MGAM2: variants seen among roughly 807,000 people sequenced by gnomAD.
The protein encoded by MGAM2 is maltase-glucoamylase 2 (putative).
In MGAM2, 98 loss-of-function variants were observed where a neutral mutation model predicts 96.1. The observed-to-expected ratio is 1.02, with a 90% CI of 0.87 to 1.21. MGAM2 has a LOEUF of 1.21. MGAM2 is among the 50% of genes most tolerant of loss of function. The pLI, the probability that MGAM2 is intolerant of heterozygous loss-of-function variation, is 0.00. For synonymous variants in MGAM2, 749 were observed against 414.8 expected, an observed-to-expected ratio of 1.81 and a Z score of -9.79; for missense variants, 2,055 against 1,182.4, an observed-to-expected ratio of 1.74 and a Z score of -10.82.
At chr7:142,123,434 T>C (rs1794644011) in intron 3 of MGAM2, among the ~76,000 whole-genome samples, 1 of 152,202 alleles carries the variant, frequency 6.6e-6, no homozygotes, top group Admixed American at 6.5e-5. Flanking sequence ...TTTAGTAGTA[T>C]ACAGGAGTTC....
chr7:142,130,951 A>G lies in MGAM2; in HGVS notation c.190A>G (p.Ile64Val). 1 of 702,740 alleles carries G rather than the reference A, an allele frequency of 1.4e-6. No homozygotes were observed. The highest frequency in any genetic ancestry group is 1.5e-5 in the South Asian group (1 of 67,590). 43.5% of individuals were successfully genotyped at this position (702,740 alleles called of 1,614,324 possible). Residue 64 changes from isoleucine to valine, a missense_variant, in exon 4 of 48, where the codon ATC (isoleucine) becomes GTC (valine). Coordinates refer to ENST00000477922, the MANE Select transcript of MGAM2 (RefSeq NM_001293626.2). ...TAACTCTGTGTCATTGTTACAGGATATCTGCAGATGGCAATATAAGTGCTG... is the reference window on the plus strand; with the variant it reads ...TAACTCTGTGTCATTGTTACAGGATGTCTGCAGATGGCAATATAAGTGCTG... ...CTPDQEVTED[I>V]CRWQYKCCWS... is the part of the protein sequence containing the mutation.
intron 33 of MGAM2, 139 bp downstream of exon 33, chr7:142,183,512 T>G: frequency 1.7e-6 from 1 of 587,200 alleles, no homozygotes; most frequent in Non-Finnish European, 3.0e-6. Context: ...GCTGATTAGC[T>G]CAATAAGCAT....
At chr7:142,210,680 C>T (rs1448733949) in intron 46 of MGAM2, among the ~76,000 whole-genome samples, 1 of 152,230 alleles carries the variant, frequency 6.6e-6, no homozygotes, top group East Asian at 1.9e-4. Context: ...AAAAAGGCAG[C>T]AGCCCCAGTT....
intron 45 of MGAM2, among the ~76,000 whole-genome samples, chr7:142,202,020 G>T (rs1797252100): frequency 1.3e-5 from 2 of 152,134 alleles, no homozygotes; most frequent in South Asian, 4.1e-4. Context: ...ACATGCAACA[G>T]CATGGATGAA....
At chr7:142,214,696 A>T (rs1470593805) in intron 46 of MGAM2, among the ~76,000 whole-genome samples, 1 of 152,204 alleles carries the variant, frequency 6.6e-6, no homozygotes, top group East Asian at 1.9e-4. Flanking sequence ...GGATAGGAAG[A>T]ATCAGTATCG....
At chr7:142,139,277 T>A (rs1795147294) in intron 10 of MGAM2, among the ~76,000 whole-genome samples, 1 of 152,192 alleles carries the variant, frequency 6.6e-6, no homozygotes, top group Non-Finnish European at 1.5e-5. Context: ...TTGATGATCT[T>A]CTCCAGGAGA....
chr7:142,184,802 C>T (rs1043340484), intron 33 of MGAM2, among the ~76,000 whole-genome samples: 1 of 152,180 alleles, frequency 6.6e-6, no homozygotes, highest in African/African-American at 2.4e-5. Context: ...TCTGAGAAAT[C>T]ACTCGAAAGT....
In MGAM2 at chr7:142,134,031, T is replaced by G. The variant is rs778509669; in HGVS notation, c.626T>G (p.Leu209Arg). 25 of 745,396 alleles carry G rather than the reference T, an allele frequency of 3.4e-5. No homozygotes were observed. The highest frequency in any genetic ancestry group is 5.6e-5 in the Non-Finnish European group (23 of 407,384). The allele number at this position is 745,396 out of a possible 1,614,324, so 46.2% of individuals were successfully genotyped here. Reference protein sequence around the residue: ...PLQFAQQYLQLSFRLPSANVY... With the variant: ...PLQFAQQYLQRSFRLPSANVY... ...CAGTTTGCCCAGCAGTACCTGCAAC[T>G]GTCTTTCCGACTGCCCAGTGCCAAT... Residue 209 changes from leucine to arginine, a missense_variant, in exon 7 of 48, where the codon CTG becomes CGG. Physicochemically the swap from Leu to Arg is moderately radical, Grantham distance 102 (BLOSUM62 -2). Coordinates refer to ENST00000477922, the MANE Select transcript of MGAM2 (RefSeq NM_001293626.2).
chr7:142,159,998 A>ATATGG lies in MGAM2; in HGVS notation c.2221-136_2221-135insTATGG, dbSNP rs1352711495. On this transcript the variant is annotated intron_variant, in intron 20 of 47. Coordinates refer to ENST00000477922, the MANE Select transcript of MGAM2 (RefSeq NM_001293626.2). Reference sequence around the variant, plus strand: ...TGCCCTCTACTACCCATATGCTTTCAGCAAGTCACTTCACTTTGGGGTTCT... The same window carrying ATATGG: ...TGCCCTCTACTACCCATATGCTTTCATATGGGCAAGTCACTTCACTTTGGGGTTCT... 13 of 582,256 alleles carry ATATGG rather than the reference A, an allele frequency of 2.2e-5. No individual in the cohort carries two copies. The East Asian group carries it at 3.7e-4, about 16-fold the overall frequency. The allele number at this position is 582,256 out of a possible 1,614,324, so 36.1% of individuals were successfully genotyped here. A position where few individuals can be genotyped will look rare whatever the true frequency, so the allele number is the denominator to read the frequency against.
chr7:142,127,153 T>G (rs1402257792), intron 3 of MGAM2, among the ~76,000 whole-genome samples: 1 of 152,170 alleles, frequency 6.6e-6, no homozygotes, highest in East Asian at 1.9e-4. Flanking sequence ...TGTTTTAGTT[T>G]TTATTATTTT....
chr7:142,197,766 C>T lies in MGAM2; in HGVS notation c.4866+38C>T, dbSNP rs111453278. 3.4e-3 allele frequency: 2,415 copies of T among 702,762 alleles called. 40 individuals carry two copies. The African/African-American group carries it at 0.037, about 11-fold the overall frequency. The allele number at this position is 702,762 out of a possible 1,614,324, so 43.5% of individuals were successfully genotyped here. A position where few individuals can be genotyped will look rare whatever the true frequency, so the allele number is the denominator to read the frequency against. On this transcript the variant is annotated intron_variant, in intron 42 of 47. Coordinates refer to ENST00000477922, the MANE Select transcript of MGAM2 (RefSeq NM_001293626.2). The stretch of plus-strand genomic sequence containing the variant: ...TTGTAGGTCAGAAAACCTTCAATCA[C>T]ATGATCTAAAATCATGGGAAAAGCA...
intron 26 of MGAM2, among the ~76,000 whole-genome samples, chr7:142,169,359 T>G (rs1796124274): frequency 1.3e-5 from 2 of 151,838 alleles, no homozygotes; most frequent in South Asian, 2.1e-4. Flanking sequence ...GTGGTGGAGA[T>G]CGCAGTAAGC....
intron 3 of MGAM2, among the ~76,000 whole-genome samples, chr7:142,127,862 G>A (rs1435425302): frequency 6.6e-6 from 1 of 152,158 alleles, no homozygotes; most frequent in Non-Finnish European, 1.5e-5. Flanking sequence ...TTAGCAGCAT[G>A]AGAACTGACT....
In MGAM2 at chr7:142,185,995, A is replaced by G; in HGVS notation, c.3994A>G (p.Arg1332Gly). 2 of 703,296 alleles carry G rather than the reference A, an allele frequency of 2.8e-6. No homozygotes were observed. The highest frequency in any genetic ancestry group is 5.2e-6 in the Non-Finnish European group (2 of 385,002). 43.6% of individuals were successfully genotyped at this position (703,296 alleles called of 1,614,324 possible). ...GTGTGTGTTATTCTTACAGCTTTAC[A>G]GGGCCTACGTTGCCTTTCCTGACTT... ...LDHETQVKLY[R>G]AYVAFPDFFR... Residue 1332 changes from arginine (R) to glycine (G), a missense_variant, in exon 35 of 48, where the codon AGG becomes GGG. Physicochemically the swap from Arg to Gly is moderately radical, Grantham distance 125 (BLOSUM62 -2). Transcript: ENST00000477922.
chr7:142,167,847 C>T (rs552382458), intron 26 of MGAM2, among the ~76,000 whole-genome samples: 1 of 152,288 alleles, frequency 6.6e-6, no homozygotes, highest in African/African-American at 2.4e-5. Flanking sequence ...GCTGGGGTTA[C>T]AGGCATGAGC....
At position 142,187,893 on chromosome 7, in the gene MGAM2, C is replaced by T. The variant is rs952705224; in HGVS notation, c.4207+59C>T. 1.1e-4 allele frequency: 76 copies of T among 679,556 alleles called. 2 individuals carry two copies. In the South Asian group the frequency reaches 1.2e-3, roughly 10 times the overall value. 42.1% of individuals were successfully genotyped at this position (679,556 alleles called of 1,614,324 possible). On this transcript the variant is annotated intron_variant, in intron 36 of 47. Coordinates refer to ENST00000477922, the MANE Select transcript of MGAM2 (RefSeq NM_001293626.2). ...CCTACTCAAAGACTCCAAAAGTTTT[C>T]CTTTTACTGTCAAAGTGAAGCCTAA... is the stretch of plus-strand genomic sequence containing the variant.
intron 46 of MGAM2, among the ~76,000 whole-genome samples, chr7:142,209,282 C>T (rs75963906): frequency 9.2e-5 from 14 of 151,992 alleles, no homozygotes; most frequent in African/African-American, 2.7e-4. Flanking sequence ...TTTTTTGTAT[C>T]GAGTTGACTA....
Position 142,134,064 on chromosome 7 carries a change from G to A in MGAM2, c.659G>A (p.Gly220Glu), listed in dbSNP as rs1304229702. 1.3e-6 allele frequency: 1 copy of A among 762,166 alleles called. No individual in the cohort carries two copies. The highest frequency in any genetic ancestry group is 1.7e-5 in the Admixed American group (1 of 58,642). 47.2% of individuals were successfully genotyped at this position (762,166 alleles called of 1,614,324 possible). A position where few individuals can be genotyped will look rare whatever the true frequency, so the allele number is the denominator to read the frequency against. Reference protein sequence around the residue: ...SFRLPSANVYGLGEHVHQQYR... With the variant: ...SFRLPSANVYELGEHVHQQYR... ...CGACTGCCCAGTGCCAATGTGTATG[G>A]GCTGGGAGAGCATGTGCACCAGCAG... Residue 220 changes from glycine (G) to glutamate (E), a missense_variant, in exon 7 of 48, where the codon GGG becomes GAG. By Grantham distance (98) the Gly-to-Glu change is moderately conservative. Transcript: ENST00000477922.
intron 12 of MGAM2, 58 bp from the exon 13 acceptor site, chr7:142,143,711 G>C (rs372612702): frequency 1.2e-4 from 58 of 490,350 alleles, no homozygotes; most frequent in East Asian, 5.5e-4. Flanking sequence ...AATCACTGTC[G>C]GTCAAAATGA....
Sources: allele counts gnomAD v4.1 joint callset (sites outside exome capture counted in the v4.1 genomes callset), GRCh38; gene constraint gnomAD v4.1.1; transcripts MANE v1.5; gene names NCBI Gene and HGNC (gene_info 2026-07-23, HGNC 2026-07-21).